PIGT: variants seen among roughly 807,000 people sequenced by gnomAD.
The protein encoded by PIGT is GPI-anchor transamidase component PIGT.
In PIGT, 57 loss-of-function variants were observed where a neutral mutation model predicts 66.7. The observed-to-expected ratio is 0.86, with a 90% confidence interval of 0.69 to 1.07. The LOEUF (loss-of-function observed/expected upper bound fraction) is 1.07. PIGT is among the 50% of genes least tolerant of loss of function. The pLI is 0.00. For synonymous variants in PIGT, 362 were observed against 320.5 expected, an observed-to-expected ratio of 1.13 and a Z score of -1.38; for missense variants, 725 against 740.4, an observed-to-expected ratio of 0.98 and a Z score of 0.24.
At position 45,425,795 on chromosome 20, in the gene PIGT, T is replaced by C. The variant is rs754720781; in HGVS notation, c.1706T>C (p.Ile569Thr). 1.2e-6 allele frequency: 2 copies of C among 1,613,940 alleles called. No homozygotes were observed. Among genetic ancestry groups the C allele is most frequent in the East Asian group, 2.2e-5 (1 of 44,870 alleles). Residue 569 changes from isoleucine to threonine, a missense_variant, in exon 12 of 12, where the codon ATC becomes ACC. Ile to Thr is a moderately conservative substitution (Grantham distance 89, BLOSUM62 -1). Around this residue, in one of 3 missense-constraint regions of PIGT, gnomAD observed 162 missense variants for 171.1 expected, o/e 0.95. Coordinates refer to ENST00000279036, the MANE Select transcript of PIGT (RefSeq NM_015937.6). ...GGLAKRLANL[I>T]RRARGVPPL ...CTGGCCAAGCGGCTGGCCAACCTTATCCGGCGCGCCCGAGGTGTCCCCCCA... is the reference window on the plus strand; with the variant it reads ...CTGGCCAAGCGGCTGGCCAACCTTACCCGGCGCGCCCGAGGTGTCCCCCCA...
rs561281430 is a variant in PIGT, at chr20:45,419,246, A to C, written c.494-49A>C. 646 of 1,470,344 alleles carry C rather than the reference A, an allele frequency of 4.4e-4. 7 individuals are homozygous for C. The South Asian group carries it at 7.1e-3, about 16-fold the overall frequency. 91.1% of individuals were successfully genotyped at this position (1,470,344 alleles called of 1,614,324 possible). On this transcript the variant is annotated intron_variant, in intron 3 of 11. Transcript: ENST00000279036. ...TCCCATCTCTGGAATGTGGATCCCG[A>C]GGGGTCAGAGCCCAAGGCCCACCCC...
chr20:45,419,472 G>A (rs777947109), intron 4 of PIGT, 32 bp from the exon 5 acceptor site: 4 of 1,613,708 alleles, frequency 2.5e-6, no homozygotes, highest in Non-Finnish European at 3.4e-6. Flanking sequence ...GCTCCATACA[G>A]GGCTTCTCTT....
At position 45,416,192 on chromosome 20, in the gene PIGT, G is replaced by T. The variant is rs1195542480; in HGVS notation, c.36G>T (p.Leu12=). ...CTATGCCGCTTGCTCTGCTCGTCCT[G>T]TTGCTCCTGGGGCCCGGCGGCTGGT... is the stretch of plus-strand genomic sequence containing the variant. ...AAAMPLALLV[L]LLLGPGGWCL... is the part of the protein sequence containing the mutation. The change falls in exon 1 of 12, where the codon CTG becomes CTT. Residue 12 remains leucine, a synonymous_variant. Transcript: ENST00000279036. The T allele has an allele frequency of 6.3e-7, 1 of 1,588,340 alleles. No homozygotes were observed. Among genetic ancestry groups the T allele is most frequent in the Middle Eastern group, 1.9e-4 (1 of 5,310 alleles).
rs764299877 is a variant in PIGT at position 45,425,818 on chromosome 20, C to G, written c.1729C>G (p.Pro577Ala). The G allele has an allele frequency of 1.9e-6, 3 of 1,613,244 alleles. No individual in the cohort carries two copies. The highest frequency in any genetic ancestry group is 1.7e-6 in the Non-Finnish European group (2 of 1,179,612). The part of the protein sequence containing the change: ...NLIRRARGVP[P>A]L ...TATCCGGCGCGCCCGAGGTGTCCCC[C>G]CACTCTGATTCTTGCCCTTTCCAGC... The change falls in exon 12 of 12, where the codon CCA becomes GCA. Residue 577 changes from proline to alanine, a missense_variant. By Grantham distance (27) the Pro-to-Ala change is conservative. This residue lies in a region of PIGT where 162 missense variants were observed against 171.1 expected (regional missense o/e 0.95). Transcript: ENST00000279036.
chr20:45,420,438 G>T lies in PIGT; in HGVS notation c.867+9G>T. The stretch of plus-strand genomic sequence containing the variant: ...TCACCACCTACAACCAGGTAACAAG[G>T]TCTCCAGCCACACACACAAACACAC... On this transcript the variant is annotated intron_variant, in intron 7 of 11. Transcript: ENST00000279036. The T allele has an allele frequency of 6.2e-7, 1 of 1,612,154 alleles. No homozygotes were observed. Among genetic ancestry groups the T allele is most frequent in the Non-Finnish European group, 8.5e-7 (1 of 1,178,946 alleles).
chr20:45,416,183 G>T lies in PIGT; in HGVS notation c.27G>T (p.Leu9=), dbSNP rs1989951918. 1 of 1,583,382 alleles carries T rather than the reference G, an allele frequency of 6.3e-7. No homozygotes were observed. The highest frequency in any genetic ancestry group is 8.6e-7 in the Non-Finnish European group (1 of 1,166,244). Residue 9 remains leucine (L), a synonymous_variant, in exon 1 of 12, where the codon CTG becomes CTT. Transcript: ENST00000279036. ...TGGCGGCGGCTATGCCGCTTGCTCTGCTCGTCCTGTTGCTCCTGGGGCCCG... is the reference window on the plus strand; with the variant it reads ...TGGCGGCGGCTATGCCGCTTGCTCTTCTCGTCCTGTTGCTCCTGGGGCCCG... The part of the protein sequence containing the change: MAAAMPLA[L]LVLLLLGPGG...
At chr20:45,424,878 G>T (rs1254519965) in intron 11 of PIGT, 1 of 425,308 alleles carries the variant, frequency 2.4e-6, no homozygotes, top group African/African-American at 2.0e-5. Context: ...AGAGCACTGA[G>T]TGTGCAAGAT....
intron 3 of PIGT, 28 bp from the exon 4 acceptor site, chr20:45,419,267 A>G (rs1282131920): frequency 2.5e-6 from 4 of 1,586,702 alleles, no homozygotes; most frequent in African/African-American, 1.3e-5. Flanking sequence ...CCCAAGGCCC[A>G]CCCCAGACAG....
chr20:45,425,141 CTCTTTCTTTCTTTCTT>C (rs1156589686), intron 11 of PIGT: 2,684 of 79,882 alleles, frequency 0.034, 36 homozygotes, highest in South Asian at 0.049. Context: ...TTCTTTCTTT[CTCTTTCTTTCTTTCTT>C]TCTTTCTTTC....
chr20:45,416,456 G>A, intron 1 of PIGT, 61 bp from the exon 2 acceptor site: 2 of 1,585,582 alleles, frequency 1.3e-6, no homozygotes, highest in Admixed American at 3.4e-5. Flanking sequence ...TAGAGTTCGG[G>A]ATCCTGGGTG....
rs755236661 is a variant in PIGT, at chr20:45,421,422, T to G, written c.1073T>G (p.Val358Gly). ...CCCTTCCTGCATGCCCAGCGGTACG[T>G]GAGTGGCTATGGGCTGCAGAAGGGG... Reference protein sequence around the residue: ...PVPFLHAQRYVSGYGLQKGEL... With the variant: ...PVPFLHAQRYGSGYGLQKGEL... The change falls in exon 9 of 12, where the codon GTG becomes GGG. Residue 358 changes from valine to glycine, a missense_variant. Val to Gly is a moderately radical substitution (Grantham distance 109). This residue lies in a region of PIGT where 559 missense variants were observed against 552.7 expected (regional missense o/e 1.01). Transcript: ENST00000279036. The G allele has an allele frequency of 1.9e-5, 30 of 1,614,024 alleles. No individual in the cohort carries two copies. The highest frequency in any genetic ancestry group is 2.4e-5 in the Non-Finnish European group (28 of 1,180,024).
At position 45,419,605 on chromosome 20, in the gene PIGT, G is replaced by A; in HGVS notation, c.681+15G>A. 2 of 1,581,186 alleles carry A rather than the reference G, an allele frequency of 1.3e-6. No homozygotes were observed. The highest frequency in any genetic ancestry group is 1.7e-6 in the Non-Finnish European group (2 of 1,149,954). ...CTGTTTGCAGAGTAAGTCATGGGGA[G>A]TAGAGGAAGCTGCCATCCAGGGGCT... On this transcript the variant is annotated intron_variant, in intron 5 of 11. Coordinates refer to ENST00000279036, the MANE Select transcript of PIGT (RefSeq NM_015937.6).
At chr20:45,419,081 C>A in intron 3 of PIGT, 102 bp downstream of exon 3, 1 of 1,462,596 alleles carries the variant, frequency 6.8e-7, no homozygotes, top group Non-Finnish European at 9.5e-7. Context: ...TGGGCTAGAT[C>A]CTAAGTCCCC....
intron 5 of PIGT, 39 bp downstream of exon 5, chr20:45,419,629 C>T (rs1410307498): frequency 2.9e-6 from 4 of 1,402,980 alleles, no homozygotes; most frequent in East Asian, 2.3e-5. Context: ...CATCCAGGGG[C>T]TCAGAGAAGG....
intron 8 of PIGT, chr20:45,421,077 A>C (rs1441272366): frequency 1.9e-6 from 1 of 517,122 alleles, no homozygotes; most frequent in Non-Finnish European, 3.5e-6. Flanking sequence ...TCAGTTAATT[A>C]ATTACAGTTG....
intron 9 of PIGT, chr20:45,422,857 T>C (rs4812900): frequency 0.41 from 61,850 of 151,988 alleles, 14,008 homozygotes; most frequent in Non-Finnish European, 0.51. Context: ...CTTTTTATAA[T>C]TGGTTTGTTT....
At chr20:45,418,727 A>G (rs1990145121) in intron 2 of PIGT, 125 bp from the exon 3 acceptor site, 7 of 1,209,922 alleles carry the variant, frequency 5.8e-6, no homozygotes, top group South Asian at 1.3e-5. Flanking sequence ...AGCTCCATCA[A>G]CTGGCCCGTC....
intron 2 of PIGT, 178 bp from the exon 3 acceptor site, chr20:45,418,674 G>A: frequency 1.5e-6 from 1 of 667,800 alleles, no homozygotes; most frequent in Non-Finnish European, 2.7e-6. Context: ...GGCTGAGTAG[G>A]ATGAGACCCA....
At chr20:45,418,586 G>T in intron 2 of PIGT, 1 of 421,918 alleles carries the variant, frequency 2.4e-6, no homozygotes, top group Non-Finnish European at 4.5e-6. Context: ...GTTAGCAAAG[G>T]CTTGCAAGGA....
Sources: allele counts gnomAD v4.1 joint callset, GRCh38; gene constraint gnomAD v4.1.1; regional missense constraint gnomAD v4.1.1; transcripts MANE v1.5; gene names NCBI Gene and HGNC (gene_info 2026-07-23, HGNC 2026-07-21).